KAT6B: variants seen among roughly 807,000 people sequenced by gnomAD.
KAT6B encodes histone acetyltransferase KAT6B.
KAT6B carries 10 observed loss-of-function variants against 187.5 expected under a neutral mutation model. The observed-to-expected ratio is 0.05, with a 90% confidence interval of 0.03 to 0.09. The LOEUF (loss-of-function observed/expected upper bound fraction) is 0.09, where lower values mean the gene tolerates loss of function less well. Among genes scored for constraint, KAT6B ranks in the 10% least tolerant of loss-of-function variants. The probability of loss-of-function intolerance (pLI) is 1.00; values close to 1 mark genes in which losing one functional copy is unlikely to be tolerated. For synonymous variants in KAT6B, 861 were observed against 926.8 expected (o/e 0.93, Z 1.29); for missense variants, 1,952 against 2,558.9 (o/e 0.76, Z 5.12).
At chr10:74,859,433 G>C (rs2132270185) in intron 3 of KAT6B, among the ~76,000 whole-genome samples, 1 of 152,204 alleles carries the variant, frequency 6.6e-6, no homozygotes, top group African/African-American at 2.4e-5. Flanking sequence ...GTCTAAATAG[G>C]CTGAAAAAGA....
intron 1 of KAT6B, among the ~76,000 whole-genome samples, chr10:74,833,568 T>C (rs1841041593): frequency 1.3e-5 from 2 of 152,220 alleles, no homozygotes; most frequent in Admixed American, 1.3e-4. Context: ...TTTATGATGA[T>C]GATGTTGAAA....
At chr10:74,979,180 T>G (rs1842352831) in intron 9 of KAT6B, 44 bp from the exon 10 acceptor site, 1 of 1,362,850 alleles carries the variant, frequency 7.3e-7, no homozygotes, top group Non-Finnish European at 1.0e-6. Context: ...AAAATGTAAG[T>G]GAAGTATATA....
intron 3 of KAT6B, among the ~76,000 whole-genome samples, chr10:74,874,546 T>G (rs1844259579): frequency 6.6e-6 from 1 of 151,950 alleles, no homozygotes; most frequent in African/African-American, 2.4e-5. Context: ...ACCCAGCTAA[T>G]TTTTTGTAGT....
chr10:74,912,648 C>T (rs1847330020), intron 3 of KAT6B, among the ~76,000 whole-genome samples: 1 of 152,194 alleles, frequency 6.6e-6, no homozygotes, highest in Non-Finnish European at 1.5e-5. Flanking sequence ...GCTGTGAATA[C>T]AGTTTATAAT....
At chr10:74,966,156 TC>T (rs1841453503) in intron 4 of KAT6B, among the ~76,000 whole-genome samples, 1 of 152,152 alleles carries the variant, frequency 6.6e-6, no homozygotes, top group Non-Finnish European at 1.5e-5. Context: ...TGCAGCCCCC[TC>T]CCCATCTTGA....
At chr10:74,915,902 C>G (rs576025320) in intron 3 of KAT6B, among the ~76,000 whole-genome samples, 1 of 152,280 alleles carries the variant, frequency 6.6e-6, no homozygotes, top group South Asian at 2.1e-4. Flanking sequence ...CGTGGTGGCT[C>G]ATACCTATAA....
At chr10:75,017,557 C>T (rs369262543) in intron 13 of KAT6B, among the ~76,000 whole-genome samples, 2 of 152,158 alleles carry the variant, frequency 1.3e-5, no homozygotes, top group African/African-American at 4.8e-5. Context: ...GAGGTTGCAT[C>T]GAGCCCATAT....
chr10:74,895,927 A>G (rs1023488197), intron 3 of KAT6B, among the ~76,000 whole-genome samples: 1 of 151,934 alleles, frequency 6.6e-6, no homozygotes, highest in Admixed American at 6.6e-5. Flanking sequence ...GTACCATTCC[A>G]CACACTGCTT....
intron 3 of KAT6B, among the ~76,000 whole-genome samples, chr10:74,935,495 T>C (rs1849203371): frequency 6.6e-6 from 1 of 152,246 alleles, no homozygotes; most frequent in Non-Finnish European, 1.5e-5. Context: ...AGACGAGATC[T>C]TGCTATGTTG....
chr10:74,856,290 T>C (rs1842820904), intron 3 of KAT6B, among the ~76,000 whole-genome samples: 1 of 152,080 alleles, frequency 6.6e-6, no homozygotes. Flanking sequence ...TTTCGCCAGG[T>C]TGGCCAGGCT....
chr10:74,967,536 C>G (rs1320460860), intron 4 of KAT6B, among the ~76,000 whole-genome samples: 4 of 152,126 alleles, frequency 2.6e-5, no homozygotes, highest in Non-Finnish European at 4.4e-5. Context: ...ATTTCTTCAT[C>G]CCTCAGCATC....
At chr10:74,891,681 G>T (rs1845653947) in intron 3 of KAT6B, among the ~76,000 whole-genome samples, 1 of 152,176 alleles carries the variant, frequency 6.6e-6, no homozygotes, top group Admixed American at 6.6e-5. Flanking sequence ...CCTTCTGGGA[G>T]CTTTTATTTT....
intron 7 of KAT6B, among the ~76,000 whole-genome samples, chr10:74,973,771 T>A (rs936496624): frequency 5.9e-5 from 9 of 152,338 alleles, no homozygotes; most frequent in African/African-American, 2.2e-4. Context: ...GAAACATTTA[T>A]GAATAAAATC....
rs145507254 is a variant in KAT6B, at chr10:75,006,088, A to G, written c.2630-14494A>G. Among the ~76,000 whole-genome samples the G allele has an allele frequency of 2.0e-3, 312 of 152,338 alleles. 5 individuals are homozygous for G. In the East Asian group the frequency reaches 0.038, roughly 18 times the overall value. On this transcript the variant is annotated intron_variant, in intron 13 of 17. Transcript: ENST00000287239. ...CAAATACAGTCATCATTTTAAATGA[A>G]GTCGAAGAGTTATTTCTGTAAACAA...
In KAT6B at chr10:74,830,743, TATATATATATATATATATATATATA is replaced by T. The variant is rs1458907376; in HGVS notation, c.-329+3959_-329+3983del. Among the ~76,000 whole-genome samples the T allele has an allele frequency of 2.2e-4, 4 of 18,398 alleles. 1 individual carries two copies. The highest frequency in any genetic ancestry group is 4.4e-3 in the South Asian group (2 of 456). 12.1% of individuals were successfully genotyped at this position (18,398 alleles called of 152,430 possible). ...TTGCACAGCTCTTCATATATATATA[TATATATATATATATATATATATATA>T]TTTTTTTTTTTTTTTTTTTTTTTTT... On this transcript the variant is annotated intron_variant, in intron 1 of 17. Transcript: ENST00000287239.
At chr10:74,874,555 G>C (rs1270908396) in intron 3 of KAT6B, among the ~76,000 whole-genome samples, 1 of 151,752 alleles carries the variant, frequency 6.6e-6, no homozygotes, top group Non-Finnish European at 1.5e-5. Context: ...ATTTTTTGTA[G>C]TTTTAGTAGA....
intron 1 of KAT6B, among the ~76,000 whole-genome samples, chr10:74,833,074 G>A (rs1053079570): frequency 6.8e-6 from 1 of 146,278 alleles, no homozygotes; most frequent in African/African-American, 2.5e-5. Context: ...GGCGGAGGTT[G>A]CAGTGAGCCG....
chr10:74,935,671 G>C (rs145546496), intron 3 of KAT6B, among the ~76,000 whole-genome samples: 2 of 152,336 alleles, frequency 1.3e-5, no homozygotes, highest in East Asian at 3.9e-4. Flanking sequence ...GGTGAGGCAA[G>C]AGTTTAAACA....
Position 74,989,008 on chromosome 10 carries a change from C to A in KAT6B, c.2536-11C>A. 6.3e-7 allele frequency: 1 copy of A among 1,594,732 alleles called. No homozygotes were observed. Among genetic ancestry groups the A allele is most frequent in the Non-Finnish European group, 8.6e-7 (1 of 1,162,380 alleles). On this transcript the variant is annotated splice_polypyrimidine_tract_variant and intron_variant, in intron 12 of 17. Coordinates refer to ENST00000287239, the MANE Select transcript of KAT6B (RefSeq NM_012330.4). Reference sequence around the variant, plus strand: ...GCTCTGACATACTTGATCTGTTTCTCCTTCCCTCAGGAAAAGCTTTGCCAG... The same window carrying A: ...GCTCTGACATACTTGATCTGTTTCTACTTCCCTCAGGAAAAGCTTTGCCAG...
Sources: gnomAD v4.1 joint callset for allele counts (sites outside exome capture counted in the v4.1 genomes callset) on GRCh38, gnomAD v4.1.1 for gene constraint, MANE v1.5 for transcripts, NCBI Gene and HGNC (gene_info 2026-07-23, HGNC 2026-07-21) for gene names.